The following STX18 variants were observed in gnomAD, a reference collection of about 807,000 sequenced individuals.
STX18 encodes the protein syntaxin-18.
STX18 carries 40 observed loss-of-function variants against 50.1 expected under a neutral mutation model. The observed-to-expected ratio is 0.80, with a 90% CI of 0.62 to 1.04. The LOEUF (loss-of-function observed/expected upper bound fraction) is 1.04, where lower values mean the gene tolerates loss of function less well. STX18 is among the 50% of genes least tolerant of loss of function. STX18 has a pLI of 0.00. For synonymous variants in STX18, 158 were observed against 151.8 expected, an observed-to-expected ratio of 1.04 and a Z score of -0.30; for missense variants, 410 against 415.8, an observed-to-expected ratio of 0.99 and a Z score of 0.12.
chr4:4,524,052 A>G (rs763336874), intron 1 of STX18, among the ~76,000 whole-genome samples: 4 of 152,016 alleles, frequency 2.6e-5, no homozygotes, highest in Non-Finnish European at 5.9e-5. Context: ...TTTTTTCCCT[A>G]GATTATGTGT....
chr4:4,497,734 T>A (rs1375968837), intron 1 of STX18, among the ~76,000 whole-genome samples: 1 of 152,232 alleles, frequency 6.6e-6, no homozygotes, highest in Non-Finnish European at 1.5e-5. Flanking sequence ...ACTGTCCATA[T>A]TGCCTACCAT....
At chr4:4,444,884 C>G (rs1432403287) in intron 5 of STX18, among the ~76,000 whole-genome samples, 1 of 152,210 alleles carries the variant, frequency 6.6e-6, no homozygotes, top group Admixed American at 6.5e-5. Context: ...ATAATCCCAA[C>G]ACTTCATACT....
intron 1 of STX18, among the ~76,000 whole-genome samples, chr4:4,498,460 C>A (rs189680735): frequency 1.3e-5 from 2 of 152,252 alleles, no homozygotes; most frequent in African/African-American, 4.8e-5. Flanking sequence ...TGTTTTGTAT[C>A]TTCAATCCTC....
At chr4:4,481,983 A>C (rs916641435) in intron 1 of STX18, among the ~76,000 whole-genome samples, 2 of 151,894 alleles carry the variant, frequency 1.3e-5, no homozygotes, top group Admixed American at 1.3e-4. Flanking sequence ...TGAGGGGGAC[A>C]CTCTTCACCA....
intron 2 of STX18, among the ~76,000 whole-genome samples, chr4:4,466,503 CTG>C (rs1305765140): frequency 1.3e-5 from 2 of 152,170 alleles, no homozygotes; most frequent in African/African-American, 4.8e-5. Flanking sequence ...AGGACTACAC[CTG>C]TGCCTTCCAG....
chr4:4,498,071 T>C (rs1168358699), intron 1 of STX18, among the ~76,000 whole-genome samples: 1 of 152,214 alleles, frequency 6.6e-6, no homozygotes. Flanking sequence ...CATAAGACTT[T>C]AATAACGGTA....
At chr4:4,457,813 C>A (rs186183518) in intron 3 of STX18, among the ~76,000 whole-genome samples, 1 of 152,224 alleles carries the variant, frequency 6.6e-6, no homozygotes, top group Non-Finnish European at 1.5e-5. Flanking sequence ...AATGCTCAAG[C>A]TGACCTTCAG....
In STX18 at chr4:4,448,466, C is replaced by T. The variant is rs908320147; in HGVS notation, c.497+8725G>A. Among the ~76,000 whole-genome samples, 4 of 152,000 alleles carry T rather than the reference C, an allele frequency of 2.6e-5. No individual in the cohort carries two copies. In the South Asian group the frequency reaches 6.2e-4, roughly 24 times the overall value. ...AAACGATTCTTGTGCCTCAGCCTCC[C>T]GAGTAGCTGGAATTACAGGAGTGCA... On this transcript the variant is annotated intron_variant, in intron 5 of 10. Transcript: ENST00000306200.
chr4:4,514,743 G>GA (rs1252576390), intron 1 of STX18, among the ~76,000 whole-genome samples: 1 of 151,910 alleles, frequency 6.6e-6, no homozygotes, highest in Non-Finnish European at 1.5e-5. Context: ...ATTAGGTAAT[G>GA]AAAGCAGGAA....
intron 1 of STX18, among the ~76,000 whole-genome samples, chr4:4,482,920 A>C (rs1728530397): frequency 6.6e-6 from 1 of 152,230 alleles, no homozygotes; most frequent in Non-Finnish European, 1.5e-5. Context: ...GGAAAAGTAT[A>C]ATCAATAGCT....
At chr4:4,534,464 G>A (rs1731243020) in intron 1 of STX18, among the ~76,000 whole-genome samples, 1 of 152,112 alleles carries the variant, frequency 6.6e-6, no homozygotes. Context: ...TACTAAGTTT[G>A]TTGAGCCTAC....
At chr4:4,530,749 G>A (rs1393952288) in intron 1 of STX18, among the ~76,000 whole-genome samples, 9 of 152,124 alleles carry the variant, frequency 5.9e-5, no homozygotes, top group African/African-American at 1.9e-4. Context: ...GAGATTACAG[G>A]TGTGTGCCAA....
At chr4:4,503,200 T>A (rs1167513465) in intron 1 of STX18, among the ~76,000 whole-genome samples, 4 of 152,164 alleles carry the variant, frequency 2.6e-5, no homozygotes, top group Non-Finnish European at 4.4e-5. Flanking sequence ...CCTTCTTATC[T>A]CCTTGTTTAT....
At position 4,420,717 on chromosome 4, in the gene STX18, G is replaced by T; in HGVS notation, c.912+147C>A. 1 of 704,396 alleles carries T rather than the reference G, an allele frequency of 1.4e-6. No individual in the cohort carries two copies. The highest frequency in any genetic ancestry group is 2.4e-6 in the Non-Finnish European group (1 of 409,036). 43.6% of individuals were successfully genotyped at this position (704,396 alleles called of 1,614,324 possible). A position where few individuals can be genotyped will look rare whatever the true frequency, so the allele number is the denominator to read the frequency against. ...CAGGTGGTGGGTCTCATGAACACAC[G>T]CAGCTCCGCGGTCACACAATTTTGT... On this transcript the variant is annotated intron_variant, in intron 10 of 10. Coordinates refer to ENST00000306200, the MANE Select transcript of STX18 (RefSeq NM_016930.4). This position sits in a 1 kb window ranked among gnomAD's most constrained non-coding sequence, Gnocchi z 4.3.
intron 1 of STX18, among the ~76,000 whole-genome samples, chr4:4,511,914 C>T (rs1004381929): frequency 6.6e-6 from 1 of 151,932 alleles, no homozygotes; most frequent in African/African-American, 2.4e-5. Context: ...ACATTTTGGG[C>T]TGGATAATAC....
intron 1 of STX18, among the ~76,000 whole-genome samples, chr4:4,494,003 T>C (rs1729058892): frequency 6.6e-6 from 1 of 152,208 alleles, no homozygotes; most frequent in African/African-American, 2.4e-5. Flanking sequence ...ATATGTTATT[T>C]TTCAGTACCT....
intron 1 of STX18, among the ~76,000 whole-genome samples, chr4:4,527,949 C>G (rs1730876747): frequency 6.6e-6 from 1 of 151,660 alleles, no homozygotes; most frequent in Admixed American, 6.6e-5. Context: ...GAAGACATCC[C>G]TTAGCCACTG....
intron 1 of STX18, among the ~76,000 whole-genome samples, chr4:4,489,294 C>CT: frequency 6.6e-6 from 1 of 151,036 alleles, no homozygotes; most frequent in Non-Finnish European, 1.5e-5. Context: ...ATACAGATCC[C>CT]TTTTTTCCTT....
At chr4:4,435,378 A>C (rs908580391) in intron 6 of STX18, among the ~76,000 whole-genome samples, 4 of 152,178 alleles carry the variant, frequency 2.6e-5, no homozygotes, top group African/African-American at 9.7e-5. Context: ...CATAGATTTT[A>C]TCTAAAGATA....
Sources: gnomAD v4.1 joint callset for allele counts (sites outside exome capture counted in the v4.1 genomes callset) on GRCh38, gnomAD v4.1.1 for gene constraint, Gnocchi (gnomAD v3.1) non-coding constraint, MANE v1.5 for transcripts, NCBI Gene and HGNC (gene_info 2026-07-23, HGNC 2026-07-21) for gene names.